The following CERS6 variants were observed in gnomAD, a reference collection of about 807,000 sequenced individuals.
CERS6 encodes ceramide synthase 6, also known as LAG1 homolog, ceramide synthase 6.
In CERS6, 26 loss-of-function variants were observed where a neutral mutation model predicts 56.8. The ratio of observed to expected loss-of-function variants is 0.46; its 90% CI spans 0.34 to 0.63. The LOEUF (loss-of-function observed/expected upper bound fraction) is 0.63, where lower values mean the gene tolerates loss of function less well. Ranked by LOEUF, CERS6 falls within the 30% of genes least tolerant of loss-of-function variation. CERS6 has a pLI of 0.01. For synonymous variants in CERS6, 164 were observed against 173.3 expected (o/e 0.95, Z 0.42); for missense variants, 415 against 467.5 (o/e 0.89, Z 1.04).
chr2:168,627,257 G>T (rs149198750), intron 3 of CERS6, among the ~76,000 whole-genome samples: 2 of 151,978 alleles, frequency 1.3e-5, no homozygotes, highest in Non-Finnish European at 2.9e-5. Flanking sequence ...ATTTAATTTG[G>T]CAATGAAATT....
intron 4 of CERS6, among the ~76,000 whole-genome samples, chr2:168,665,326 C>T (rs936781928): frequency 3.2e-4 from 49 of 151,802 alleles, no homozygotes; most frequent in Admixed American, 3.1e-3. Context: ...AATTGAAATA[C>T]GGTGGGTATA....
At chr2:168,561,417 C>T (rs576393642) in intron 3 of CERS6, 95 bp downstream of exon 3, 50 of 1,376,384 alleles carry the variant, frequency 3.6e-5, no homozygotes, top group Non-Finnish European at 4.6e-5. Flanking sequence ...TTCAGCAGCC[C>T]TTAAAAAGCT....
intron 4 of CERS6, among the ~76,000 whole-genome samples, chr2:168,672,581 C>T (rs1685949404): frequency 6.6e-6 from 1 of 152,198 alleles, no homozygotes; most frequent in Non-Finnish European, 1.5e-5. Flanking sequence ...GCTACTTGGC[C>T]ATCTAGTTTT....
intron 1 of CERS6, among the ~76,000 whole-genome samples, chr2:168,543,509 T>TA (rs11412559): frequency 0.92 from 139,999 of 152,122 alleles, 64,994 homozygotes; most frequent in Non-Finnish European, 0.99. Context: ...TGGACCATGA[T>TA]AGTCAGTGAT....
At chr2:168,552,560 G>A (rs544936747) in intron 2 of CERS6, among the ~76,000 whole-genome samples, 1 of 152,272 alleles carries the variant, frequency 6.6e-6, no homozygotes, top group African/African-American at 2.4e-5. Context: ...CTGGAGGGCC[G>A]TGTGGGGGTG....
chr2:168,569,156 C>T (rs992549640), intron 3 of CERS6, among the ~76,000 whole-genome samples: 3 of 152,176 alleles, frequency 2.0e-5, no homozygotes, highest in African/African-American at 7.2e-5. Context: ...AGTTTGGTTT[C>T]TCCAGGGCCT....
At chr2:168,741,884 A>T (rs1006106291) in intron 8 of CERS6, among the ~76,000 whole-genome samples, 18 of 152,318 alleles carry the variant, frequency 1.2e-4, no homozygotes, top group Non-Finnish European at 2.5e-4. Flanking sequence ...TTCCAGGGTT[A>T]TGCAGGTGGC....
chr2:168,662,793 G>C (rs994206239), intron 4 of CERS6, among the ~76,000 whole-genome samples: 1 of 152,336 alleles, frequency 6.6e-6, no homozygotes, highest in East Asian at 1.9e-4. Flanking sequence ...GGGTCCAGCA[G>C]CCTAGCTTCC....
At chr2:168,672,835 A>G (rs1181645776) in intron 4 of CERS6, among the ~76,000 whole-genome samples, 2 of 152,172 alleles carry the variant, frequency 1.3e-5, no homozygotes, top group Non-Finnish European at 2.9e-5. Flanking sequence ...TGATTACACA[A>G]TTTTGGAAGA....
At chr2:168,498,155 G>A (rs1363398249) in intron 1 of CERS6, among the ~76,000 whole-genome samples, 1 of 152,144 alleles carries the variant, frequency 6.6e-6, no homozygotes, top group Non-Finnish European at 1.5e-5. Context: ...TATTGCTAAA[G>A]TGTTTGCCAA....
chr2:168,504,137 G>A (rs538392133), intron 1 of CERS6, among the ~76,000 whole-genome samples: 11 of 152,150 alleles, frequency 7.2e-5, no homozygotes, highest in South Asian at 2.1e-4. Flanking sequence ...CAGGGTGGGC[G>A]TGGTGGCTCA....
At chr2:168,469,654 T>TA (rs995876583) in intron 1 of CERS6, among the ~76,000 whole-genome samples, 30 of 151,988 alleles carry the variant, frequency 2.0e-4, no homozygotes, top group African/African-American at 6.5e-4. Context: ...TGTAGAGAAT[T>TA]AAAAAAAATT....
intron 8 of CERS6, among the ~76,000 whole-genome samples, chr2:168,741,276 A>C (rs1278959399): frequency 6.6e-6 from 1 of 151,864 alleles, no homozygotes; most frequent in African/African-American, 2.4e-5. Flanking sequence ...TATTTTGAAT[A>C]GGGTTTATGG....
intron 1 of CERS6, among the ~76,000 whole-genome samples, chr2:168,475,388 C>G (rs1049313310): frequency 1.4e-4 from 21 of 152,096 alleles, no homozygotes; most frequent in African/African-American, 4.8e-4. Flanking sequence ...TAGACTGTCT[C>G]TAAGAATAAA....
intron 3 of CERS6, among the ~76,000 whole-genome samples, chr2:168,597,673 A>G (rs575501183): frequency 6.6e-6 from 1 of 152,346 alleles, no homozygotes; most frequent in African/African-American, 2.4e-5. Flanking sequence ...GGCCACCTTG[A>G]ATATGTAAAG....
chr2:168,758,006 G>T (rs1410625638), intron 8 of CERS6, among the ~76,000 whole-genome samples: 2 of 152,164 alleles, frequency 1.3e-5, no homozygotes, highest in African/African-American at 4.8e-5. Context: ...CACAACGAGG[G>T]TTGCTTGTAA....
intron 7 of CERS6, 97 bp from the exon 8 acceptor site, chr2:168,717,775 T>A (rs1018175154): frequency 2.6e-6 from 2 of 762,372 alleles, no homozygotes; most frequent in Non-Finnish European, 4.2e-6. Flanking sequence ...TTTATGCATC[T>A]GGTAAGGTAT....
chr2:168,669,076 T>C (rs778330413), intron 4 of CERS6, among the ~76,000 whole-genome samples: 14 of 152,178 alleles, frequency 9.2e-5, no homozygotes, highest in Admixed American at 1.3e-4. Flanking sequence ...TCATAGTGGC[T>C]TAAACAAGAA....
At chr2:168,745,246 A>AG (rs577637175) in intron 8 of CERS6, among the ~76,000 whole-genome samples, 1 of 97,700 alleles carries the variant, frequency 1.0e-5, no homozygotes, top group Non-Finnish European at 2.1e-5. Flanking sequence ...TCAGTTTAAA[A>AG]ATTTTTTTTT....
Sources: allele counts gnomAD v4.1 joint callset (sites outside exome capture counted in the v4.1 genomes callset), GRCh38; gene constraint gnomAD v4.1.1; transcripts MANE v1.5; gene names NCBI Gene and HGNC (gene_info 2026-07-23, HGNC 2026-07-21).